The following CCDC9 variants were observed in gnomAD, a reference collection of about 807,000 sequenced individuals.
The protein encoded by CCDC9 is coiled-coil domain containing 9, also known as coiled-coil domain-containing protein 9.
Under a neutral mutation model 65.6 loss-of-function variants are expected in CCDC9, and 52 were observed. The observed-to-expected ratio is 0.79, with a 90% CI of 0.63 to 1.00. The LOEUF (loss-of-function observed/expected upper bound fraction) is 1.00. Ranked by LOEUF, CCDC9 falls within the 50% of genes least tolerant of loss-of-function variation. CCDC9 has a pLI of 0.00. For synonymous variants in CCDC9, 332 were observed against 280.3 expected, an observed-to-expected ratio of 1.18 and a Z score of -1.84; for missense variants, 834 against 757.2, an observed-to-expected ratio of 1.10 and a Z score of -1.19.
At chr19:47,272,302 C>T (rs1439806511), downstream of CCDC9, 3 of 408,054 alleles carry the variant, frequency 7.4e-6, no homozygotes, top group Non-Finnish European at 1.1e-5. Flanking sequence ...AGGGTGAGCT[C>T]GGATAGGGAT....
chr19:47,262,622 A>G (rs1358252358), intron 5 of CCDC9, among the ~76,000 whole-genome samples: 1 of 152,198 alleles, frequency 6.6e-6, no homozygotes, highest in African/African-American at 2.4e-5. Flanking sequence ...AAGGGGAAAG[A>G]TAAGTCTGCT....
downstream of CCDC9, chr19:47,274,815 G>A (rs2059146022): frequency 2.5e-6 from 2 of 808,106 alleles, no homozygotes; most frequent in Non-Finnish European, 3.1e-6. Flanking sequence ...GGGCGGGGCC[G>A]GAGGCGGGCG....
In CCDC9 at chr19:47,258,619, G is replaced by A. The variant is rs1411080671; in HGVS notation, c.64G>A (p.Glu22Lys). 2 of 1,614,044 alleles carry A rather than the reference G, an allele frequency of 1.2e-6. No individual in the cohort carries two copies. The highest frequency in any genetic ancestry group is 1.7e-5 in the Admixed American group (1 of 59,996). ...EKDAELDKRI[E>K]ALRRKNEALI... ...GGATGCTGAGTTGGACAAGAGGATCGAGGCTCTTCGGCGGAAGAATGAGGC... is the reference window on the plus strand; with the variant it reads ...GGATGCTGAGTTGGACAAGAGGATCAAGGCTCTTCGGCGGAAGAATGAGGC... The change falls in exon 3 of 12, where the codon GAG (glutamate) becomes AAG (lysine). Residue 22 changes from glutamate to lysine, a missense_variant. Physicochemically the swap from Glu to Lys is moderately conservative, Grantham distance 56. Transcript: ENST00000221922.
downstream of CCDC9, chr19:47,274,038 A>T: frequency 1.1e-6 from 1 of 932,822 alleles, no homozygotes; most frequent in Non-Finnish European, 1.3e-6. Context: ...AGGGGGCGTG[A>T]GGAGGGGTTT....
rs761534645 is a variant in CCDC9, at chr19:47,260,301, C to G, written c.109-20C>G. 5 of 1,543,500 alleles carry G rather than the reference C, an allele frequency of 3.2e-6. No individual in the cohort carries two copies. The South Asian group carries it at 4.7e-5, about 15-fold the overall frequency. On this transcript the variant is annotated intron_variant, in intron 3 of 11. Coordinates refer to ENST00000221922, the MANE Select transcript of CCDC9 (RefSeq NM_015603.3). ...AGACAGGGCACCTGATGCTTCCCTA[C>G]CCCGGCTGTCTGCTCCTAGGAGATT...
At position 47,270,652 on chromosome 19, in the gene CCDC9, G is replaced by A; in HGVS notation, c.1049G>A (p.Ser350Asn). Reference protein sequence around the residue: ...EASSRRRRKSSRPQAKAAPRA... With the variant: ...EASSRRRRKSNRPQAKAAPRA... ...AGCAGCCGCAGAAGGAGAAAGAGCA[G>A]TCGGCCCCAGGCCAAGGCAGCGCCC... Residue 350 changes from serine (S) to asparagine (N), a missense_variant, in exon 10 of 12, where the codon AGT becomes AAT. Physicochemically the swap from Ser to Asn is conservative, Grantham distance 46. Coordinates refer to ENST00000221922, the MANE Select transcript of CCDC9 (RefSeq NM_015603.3). The A allele has an allele frequency of 6.2e-7, 1 of 1,612,406 alleles. No homozygotes were observed. The highest frequency in any genetic ancestry group is 2.2e-5 in the East Asian group (1 of 44,882).
At chr19:47,269,121 C>T (rs2059100445) in intron 8 of CCDC9, among the ~76,000 whole-genome samples, 1 of 151,850 alleles carries the variant, frequency 6.6e-6, no homozygotes, top group Admixed American at 6.6e-5. Context: ...AAAAAAAATG[C>T]ATGGTGTCTT....
chr19:47,273,693 GC>G, downstream of CCDC9: 1 of 381,792 alleles, frequency 2.6e-6, no homozygotes, highest in Non-Finnish European at 4.6e-6. Flanking sequence ...TCCCATGGAG[GC>G]CCTGGGCGGC....
rs1158302196 is a variant in CCDC9, at chr19:47,265,984, CTTTTTTTTTTTT to C, written c.721-609_721-598del. ...TACAGGCGTGAGCCACCGCTCCTGG[CTTTTTTTTTTTT>C]TTTTTTTTTTTTTTTTTGAGACAGA... On this transcript the variant is annotated intron_variant, in intron 7 of 11. Coordinates refer to ENST00000221922, the MANE Select transcript of CCDC9 (RefSeq NM_015603.3). Among the ~76,000 whole-genome samples, 8 of 72,630 alleles carry C rather than the reference CTTTTTTTTTTTT, an allele frequency of 1.1e-4. No individual in the cohort carries two copies. In the East Asian group the frequency reaches 1.3e-3, roughly 12 times the overall value. The allele number at this position is 72,630 out of a possible 152,430, so 47.6% of individuals were successfully genotyped here.
At chr19:47,264,332 C>T (rs1170381077) in intron 5 of CCDC9, among the ~76,000 whole-genome samples, 6 of 152,204 alleles carry the variant, frequency 3.9e-5, no homozygotes, top group African/African-American at 9.7e-5. Context: ...TAGTTTTGAA[C>T]GCAGGCCCCT....
rs143949045 is a variant in CCDC9, at chr19:47,270,654, C to T, written c.1051C>T (p.Arg351Trp). 47 of 1,612,168 alleles carry T rather than the reference C, an allele frequency of 2.9e-5. No homozygotes were observed. The highest frequency in any genetic ancestry group is 1.9e-4 in the African/African-American group (14 of 74,886). The change falls in exon 10 of 12, where the codon CGG (arginine) becomes TGG (tryptophan). Residue 351 changes from arginine to tryptophan, a missense_variant. Transcript: ENST00000221922. ...CAGCCGCAGAAGGAGAAAGAGCAGT[C>T]GGCCCCAGGCCAAGGCAGCGCCCAG... ...ASSRRRRKSS[R>W]PQAKAAPRAY...
chr19:47,270,689 G>A lies in CCDC9; in HGVS notation c.1085+1G>A. 1.2e-6 allele frequency: 2 copies of A among 1,609,870 alleles called. No individual in the cohort carries two copies. The highest frequency in any genetic ancestry group is 1.7e-6 in the Non-Finnish European group (2 of 1,179,468). ...CCAAGGCAGCGCCCAGGGCCTACAG[G>A]TGGGGCACCCCTTCTGCGGGCTTGC... On this transcript the variant is annotated splice_donor_variant, in intron 10 of 11. Coordinates refer to ENST00000221922, the MANE Select transcript of CCDC9 (RefSeq NM_015603.3). LOFTEE classifies it high-confidence loss of function.
intron 5 of CCDC9, among the ~76,000 whole-genome samples, chr19:47,262,082 C>G (rs2059049668): frequency 6.6e-6 from 1 of 151,950 alleles, no homozygotes. Flanking sequence ...CACAAAGACT[C>G]CAAAAATTTC....
At chr19:47,267,186 A>G (rs1233149032) in intron 8 of CCDC9, among the ~76,000 whole-genome samples, 2 of 151,946 alleles carry the variant, frequency 1.3e-5, no homozygotes, top group East Asian at 1.9e-4. Context: ...GGATGGTCTC[A>G]ATCTCCTGTC....
chr19:47,270,050 C>T (rs2059105315), intron 8 of CCDC9, among the ~76,000 whole-genome samples: 1 of 151,728 alleles, frequency 6.6e-6, no homozygotes, highest in South Asian at 2.1e-4. Context: ...CTCACTGCAG[C>T]CTTGACCTCC....
At chr19:47,269,434 A>G (rs2059101899) in intron 8 of CCDC9, among the ~76,000 whole-genome samples, 1 of 151,944 alleles carries the variant, frequency 6.6e-6, no homozygotes, top group Non-Finnish European at 1.5e-5. Flanking sequence ...AGCTCACTGC[A>G]ACATCGCCTC....
Position 47,269,092 on chromosome 19 carries a change from C to G in CCDC9, c.903-1315C>G, listed in dbSNP as rs192301510. Among the ~76,000 whole-genome samples, 44 of 152,010 alleles carry G rather than the reference C, an allele frequency of 2.9e-4. 1 individual carries two copies. The East Asian group carries it at 7.0e-3, about 24-fold the overall frequency. On this transcript the variant is annotated intron_variant, in intron 8 of 11. Transcript: ENST00000221922. ...CTGCACTCCAGCCTGGACCACAGAG[C>G]AAGACCCTATCTCTAAGAAAAAAAA...
chr19:47,270,634 G>T lies in CCDC9; in HGVS notation c.1031G>T (p.Arg344Leu), dbSNP rs778362376. The T allele has an allele frequency of 6.2e-7, 1 of 1,612,790 alleles. No individual in the cohort carries two copies. Among genetic ancestry groups the T allele is most frequent in the Non-Finnish European group, 8.5e-7 (1 of 1,180,030 alleles). The part of the protein sequence containing the change: ...LSQHKAEASS[R>L]RRRKSSRPQA... ...CAGCACAAAGCTGAGGCCAGCAGCCGCAGAAGGAGAAAGAGCAGTCGGCCC... is the reference window on the plus strand; with the variant it reads ...CAGCACAAAGCTGAGGCCAGCAGCCTCAGAAGGAGAAAGAGCAGTCGGCCC... The change falls in exon 10 of 12, where the codon CGC becomes CTC. Residue 344 changes from arginine to leucine, a missense_variant. Transcript: ENST00000221922.
At chr19:47,264,558 A>G in intron 5 of CCDC9, 45 bp from the exon 6 acceptor site, 1 of 1,535,450 alleles carries the variant, frequency 6.5e-7, no homozygotes, top group Non-Finnish European at 8.8e-7. Context: ...CCGGCAGCTT[A>G]ATAGTTCTCC....
Sources: gnomAD v4.1 joint callset for allele counts (sites outside exome capture counted in the v4.1 genomes callset) on GRCh38, gnomAD v4.1.1 for gene constraint, MANE v1.5 for transcripts, NCBI Gene and HGNC (gene_info 2026-07-23, HGNC 2026-07-21) for gene names.